The following IQSEC3 variants were observed in gnomAD, a reference collection of about 807,000 sequenced individuals.
IQSEC3 encodes the protein IQ motif and SEC7 domain-containing protein 3.
A neutral mutation model predicts 105.4 loss-of-function variants in IQSEC3; 50 were observed. That is an observed-to-expected ratio of 0.47 (90% CI 0.38 to 0.60). The LOEUF (loss-of-function observed/expected upper bound fraction) is 0.60, where lower values mean the gene tolerates loss of function less well. Ranked by LOEUF, IQSEC3 falls within the 20% of genes least tolerant of loss-of-function variation. The pLI is 0.00. For missense variants in IQSEC3, 1,415 were observed against 1,630.0 expected, an observed-to-expected ratio of 0.87 and a Z score of 2.27; for synonymous variants, 708 against 746.0, an observed-to-expected ratio of 0.95 and a Z score of 0.83.
At chr12:124,232 C>CA (rs1209569473) in intron 2 of IQSEC3, among the ~76,000 whole-genome samples, 6 of 151,578 alleles carry the variant, frequency 4.0e-5, no homozygotes, top group South Asian at 4.2e-4. Flanking sequence ...GCTAAAAATA[C>CA]AAAAAAATTA....
rs781847621 is a variant in IQSEC3, at chr12:139,254, C to A, written c.1891C>A (p.Arg631Ser). 1 of 1,609,638 alleles carries A rather than the reference C, an allele frequency of 6.2e-7. No individual in the cohort carries two copies. Among genetic ancestry groups the A allele is most frequent in the South Asian group, 1.1e-5 (1 of 90,294 alleles). ...ALQAMILSLP[R>S]YHCENPASCK... is the part of the protein sequence containing the mutation. The stretch of plus-strand genomic sequence containing the variant: ...GCAGGCCATGATCCTGAGCCTGCCG[C>A]GCTACCACTGCGAGAACCCAGCCAG... Residue 631 changes from arginine (R) to serine (S), a missense_variant, in exon 4 of 14, where the codon CGC becomes AGC. Arg to Ser is a moderately radical substitution (Grantham distance 110). Around this residue, in one of 6 missense-constraint regions of IQSEC3, gnomAD observed 720 missense variants for 633.0 expected, o/e 1.14. Transcript: ENST00000538872.
intron 1 of IQSEC3, among the ~76,000 whole-genome samples, chr12:81,431 G>A (rs1386390685): frequency 1.3e-5 from 2 of 152,202 alleles, no homozygotes; most frequent in East Asian, 3.8e-4. Flanking sequence ...TTGTTACACA[G>A]CCCAGGTAAG....
Position 93,784 on chromosome 12 carries a change from C to T in IQSEC3, c.555-5362C>T, listed in dbSNP as rs377720717. On this transcript the variant is annotated intron_variant, in intron 1 of 13. Transcript: ENST00000538872. ...CTGGGTTATGGGAGTGGCTTCCTCA[C>T]GAATAGATTAACACCCTCTCTGGGG... 6.6e-5 allele frequency among the ~76,000 whole-genome samples: 10 copies of T among 152,188 alleles called. No individual in the cohort carries two copies. The East Asian group carries it at 7.7e-4, about 12-fold the overall frequency.
chr12:157,209 T>C, intron 6 of IQSEC3, 62 bp downstream of exon 6: 1 of 1,463,900 alleles, frequency 6.8e-7, no homozygotes, highest in Non-Finnish European at 9.1e-7. Flanking sequence ...CGGGCCGCTG[T>C]GAGCCTGGGA....
rs782173768 is a variant in IQSEC3, at chr12:138,752, C to T, written c.1389C>T (p.Pro463=). The T allele has an allele frequency of 1.9e-6, 3 of 1,548,674 alleles. No individual in the cohort carries two copies. Among genetic ancestry groups the T allele is most frequent in the Non-Finnish European group, 1.7e-6 (2 of 1,152,940 alleles). Residue 463 remains proline (P), a synonymous_variant, in exon 4 of 14, where the codon CCC becomes CCT. Coordinates refer to ENST00000538872, the MANE Select transcript of IQSEC3 (RefSeq NM_001170738.2). This position sits in a 1 kb window ranked among gnomAD's most constrained non-coding sequence, Gnocchi z 7.1. ...CGCCGGAGAGCGCGGGCCCCGGGCC[C>T]GGGGATGACGCCGCGGAGACCCCCG... ...GRAPESAGPG[P]GDDAAETPGL...
chr12:126,205 C>T (rs965583044), intron 3 of IQSEC3, among the ~76,000 whole-genome samples: 2 of 152,256 alleles, frequency 1.3e-5, no homozygotes, highest in Admixed American at 1.3e-4. Flanking sequence ...CCACTGACCA[C>T]TAGGCAAGGA....
intron 1 of IQSEC3, among the ~76,000 whole-genome samples, chr12:73,959 A>C (rs535196331): frequency 6.6e-6 from 1 of 152,362 alleles, no homozygotes; most frequent in Non-Finnish European, 1.5e-5. Flanking sequence ...CCCAACTAAA[A>C]CCTCTTCTGT....
intron 3 of IQSEC3, among the ~76,000 whole-genome samples, chr12:128,712 A>C (rs1183101822): frequency 3.3e-5 from 5 of 152,062 alleles, no homozygotes; most frequent in African/African-American, 1.2e-4. Context: ...CCCCTGCCCC[A>C]GGAGGCCAGG....
chr12:110,616 A>G (rs1370694784), intron 2 of IQSEC3, among the ~76,000 whole-genome samples: 1 of 152,056 alleles, frequency 6.6e-6, no homozygotes, highest in Non-Finnish European at 1.5e-5. Flanking sequence ...GTCTCTCCCA[A>G]ATGGTCATGG....
At chr12:69,081 T>C (rs573181171) in intron 1 of IQSEC3, among the ~76,000 whole-genome samples, 4,141 of 151,956 alleles carry the variant, frequency 0.027, 112 homozygotes, top group African/African-American at 0.094. Context: ...TACTAAGTGG[T>C]CTTTTCCCCC....
At chr12:155,508 C>T (rs1035247002) in intron 5 of IQSEC3, among the ~76,000 whole-genome samples, 1 of 152,206 alleles carries the variant, frequency 6.6e-6, no homozygotes, top group Non-Finnish European at 1.5e-5. Flanking sequence ...CGGTGATGCA[C>T]TTTTCTCCTT....
chr12:118,718 G>A (rs782482793), intron 2 of IQSEC3, among the ~76,000 whole-genome samples: 12 of 152,352 alleles, frequency 7.9e-5, no homozygotes, highest in Middle Eastern at 3.4e-3. Flanking sequence ...TGAGCCTGCA[G>A]GTAGCTCCTC....
chr12:151,249 G>A (rs1457650295), intron 5 of IQSEC3, among the ~76,000 whole-genome samples: 1 of 140,480 alleles, frequency 7.1e-6, no homozygotes, highest in South Asian at 2.4e-4. Flanking sequence ...TGTGCCCCAA[G>A]ATGGAGACTC....
At chr12:92,077 T>A (rs1555073616) in intron 1 of IQSEC3, among the ~76,000 whole-genome samples, 1 of 152,120 alleles carries the variant, frequency 6.6e-6, no homozygotes, top group Non-Finnish European at 1.5e-5. Context: ...CTACCTCATG[T>A]TTAGGTTTTA....
intron 2 of IQSEC3, among the ~76,000 whole-genome samples, chr12:99,672 G>T (rs10732604): frequency 0.57 from 86,642 of 152,010 alleles, 24,954 homozygotes; most frequent in East Asian, 0.83. Flanking sequence ...TGTCTTTAAT[G>T]TTAAGGCTCT....
At chr12:159,557 T>C (rs1451676941) in intron 7 of IQSEC3, among the ~76,000 whole-genome samples, 1 of 152,256 alleles carries the variant, frequency 6.6e-6, no homozygotes, top group African/African-American at 2.4e-5. Context: ...TTCAAAGGCA[T>C]TGCTGCTGCA....
At chr12:97,812 A>G (rs1776963459) in intron 1 of IQSEC3, among the ~76,000 whole-genome samples, 1 of 152,232 alleles carries the variant, frequency 6.6e-6, no homozygotes, top group Non-Finnish European at 1.5e-5. Context: ...ATAACAAACA[A>G]AAGTTAAGAT....
At chr12:167,791 C>G (rs1368166728) in intron 11 of IQSEC3, 1 of 152,172 alleles carries the variant, frequency 6.6e-6, no homozygotes, top group Non-Finnish European at 1.5e-5. Context: ...CCACAGTGGG[C>G]ATCATTTTAC....
At chr12:69,820 C>T (rs1185727043) in intron 1 of IQSEC3, among the ~76,000 whole-genome samples, 1 of 152,272 alleles carries the variant, frequency 6.6e-6, no homozygotes, top group African/African-American at 2.4e-5. Context: ...TTCGTCCTAC[C>T]CTGCTCTCTG....
Sources: allele counts gnomAD v4.1 joint callset (sites outside exome capture counted in the v4.1 genomes callset), GRCh38; gene constraint gnomAD v4.1.1; regional missense constraint gnomAD v4.1.1; non-coding constraint Gnocchi (gnomAD v3.1); transcripts MANE v1.5; gene names NCBI Gene and HGNC (gene_info 2026-07-23, HGNC 2026-07-21).